Variants in C7orf33 observed in about 807,000 individuals in gnomAD.
C7orf33 encodes the protein uncharacterized protein C7orf33.
Under a neutral mutation model 13.4 loss-of-function variants are expected in C7orf33, and 15 were observed. The ratio of observed to expected loss-of-function variants is 1.12; its 90% CI spans 0.75 to 1.72. C7orf33 has a LOEUF of 1.72. Among genes scored for constraint, C7orf33 ranks in the 40% most tolerant of loss-of-function variants. C7orf33 has a pLI of 0.00. For missense variants in C7orf33, 187 were observed against 220.3 expected (o/e 0.85, Z 0.96); for synonymous variants, 73 against 83.2 (o/e 0.88, Z 0.67).
rs114716446 is a variant in C7orf33, at chr7:148,613,184, C to A, written c.205-858C>A. ...TCCCAGACCCTAAGACTCACTGTTC[C>A]ACTCTCTATTTCCATGGGCTCAAGT... On this transcript the variant is annotated intron_variant, in intron 1 of 2. Coordinates refer to ENST00000307003, the MANE Select transcript of C7orf33 (RefSeq NM_145304.4). Among the ~76,000 whole-genome samples the A allele has an allele frequency of 5.4e-3, 830 of 152,300 alleles. 6 individuals carry two copies. Among genetic ancestry groups the A allele is most frequent in the African/African-American group, 0.019 (790 of 41,558 alleles).
chr7:148,605,671 C>T (rs1481174644), intron 1 of C7orf33, among the ~76,000 whole-genome samples: 6 of 152,182 alleles, frequency 3.9e-5, no homozygotes, highest in African/African-American at 1.4e-4. Flanking sequence ...AGAGCCCCCA[C>T]CTTGAAGGTC....
intron 1 of C7orf33, among the ~76,000 whole-genome samples, chr7:148,595,660 T>C (rs1796329689): frequency 9.4e-6 from 1 of 105,824 alleles, no homozygotes; most frequent in Non-Finnish European, 1.9e-5. Context: ...AATATAGATC[T>C]ATATTATATA....
chr7:148,601,089 A>G (rs1035623411), intron 1 of C7orf33, among the ~76,000 whole-genome samples: 1 of 152,008 alleles, frequency 6.6e-6, no homozygotes, highest in Non-Finnish European at 1.5e-5. Flanking sequence ...GGTGTGAGCC[A>G]CCGCGCCCGG....
chr7:148,595,379 C>A lies in C7orf33; in HGVS notation c.204+4250C>A, dbSNP rs1421586208. Among the ~76,000 whole-genome samples, 10 of 126,694 alleles carry A rather than the reference C, an allele frequency of 7.9e-5. No individual in the cohort carries two copies. The East Asian group carries it at 9.0e-4, about 11-fold the overall frequency. 83.1% of individuals were successfully genotyped at this position (126,694 alleles called of 152,430 possible). ...GATATATCAAATATAATATAGATCTCTATTATATAGATATATCATAGATAA... is the reference window on the plus strand; with the variant it reads ...GATATATCAAATATAATATAGATCTATATTATATAGATATATCATAGATAA... On this transcript the variant is annotated intron_variant, in intron 1 of 2. Coordinates refer to ENST00000307003, the MANE Select transcript of C7orf33 (RefSeq NM_145304.4).
intron 1 of C7orf33, among the ~76,000 whole-genome samples, chr7:148,593,549 G>A (rs1371961666): frequency 6.6e-6 from 1 of 152,148 alleles, no homozygotes; most frequent in Non-Finnish European, 1.5e-5. Context: ...ACAGGTGTGA[G>A]CCACTGCAAC....
chr7:148,610,349 T>G (rs1014570134), intron 1 of C7orf33, among the ~76,000 whole-genome samples: 3 of 152,126 alleles, frequency 2.0e-5, no homozygotes, highest in African/African-American at 7.2e-5. Context: ...CCAGCACAGC[T>G]AGAATATAGA....
intron 1 of C7orf33, among the ~76,000 whole-genome samples, chr7:148,606,931 A>ACACAC (rs1554449216): frequency 6.4e-4 from 13 of 20,198 alleles, no homozygotes; most frequent in Admixed American, 1.1e-3. Context: ...TTAAAAAAAA[A>ACACAC]ATACACACAC....
At chr7:148,608,016 G>A (rs1286230101) in intron 1 of C7orf33, among the ~76,000 whole-genome samples, 1 of 151,710 alleles carries the variant, frequency 6.6e-6, no homozygotes, top group Admixed American at 6.6e-5. Flanking sequence ...CCTCTCAAAC[G>A]CCAATTAAAG....
chr7:148,608,951 G>C (rs568765508), intron 1 of C7orf33, among the ~76,000 whole-genome samples: 1 of 152,198 alleles, frequency 6.6e-6, no homozygotes, highest in Non-Finnish European at 1.5e-5. Context: ...GGGTGGAAAG[G>C]CCTCTTTTGG....
chr7:148,601,287 T>C (rs947117775), intron 1 of C7orf33, among the ~76,000 whole-genome samples: 5 of 152,242 alleles, frequency 3.3e-5, no homozygotes, highest in Non-Finnish European at 7.3e-5. Context: ...TTTAAATCCT[T>C]TTAAAATTTA....
chr7:148,598,916 G>A (rs548983872), intron 1 of C7orf33, among the ~76,000 whole-genome samples: 2 of 151,700 alleles, frequency 1.3e-5, no homozygotes, highest in East Asian at 1.9e-4. Context: ...AAGCTGGAGT[G>A]CAATGGCACG....
In C7orf33 at chr7:148,614,113, T is replaced by C. The variant is rs755693750; in HGVS notation, c.276T>C (p.Ser92=). The C allele has an allele frequency of 8.1e-6, 13 of 1,614,112 alleles. 1 individual carries two copies. In the Middle Eastern group the frequency reaches 4.9e-4, roughly 61 times the overall value. The part of the protein sequence containing the change: ...FIAPVSAPTK[S]GAPWHFLSQG... ...CTCCTGTATCAGCTCCCACCAAATCTGGTGCCCCGTGGCATTTTCTTTCTC... is the reference window on the plus strand; with the variant it reads ...CTCCTGTATCAGCTCCCACCAAATCCGGTGCCCCGTGGCATTTTCTTTCTC... Residue 92 remains serine, a synonymous_variant, in exon 2 of 3, where the codon TCT becomes TCC. Transcript: ENST00000307003.
At chr7:148,592,566 G>A (rs1376530812) in intron 1 of C7orf33, among the ~76,000 whole-genome samples, 1 of 151,028 alleles carries the variant, frequency 6.6e-6, no homozygotes, top group Admixed American at 6.6e-5. Context: ...CCAGGCTGGA[G>A]TACAGTGGCG....
intron 1 of C7orf33, among the ~76,000 whole-genome samples, chr7:148,593,139 C>T (rs533009064): frequency 2.3e-4 from 35 of 152,236 alleles, no homozygotes; most frequent in African/African-American, 8.2e-4. Flanking sequence ...CATGCCTGGC[C>T]GACACGATTT....
At chr7:148,594,288 G>A (rs1256715452) in intron 1 of C7orf33, among the ~76,000 whole-genome samples, 4 of 149,728 alleles carry the variant, frequency 2.7e-5, no homozygotes, top group Admixed American at 6.8e-5. Context: ...CCATTCTCCT[G>A]CCTCAGCCTC....
At position 148,615,398 on chromosome 7, in the gene C7orf33, T is replaced by G. The variant is rs756079234; in HGVS notation, c.531T>G (p.Ser177Arg). The G allele has an allele frequency of 6.2e-7, 1 of 1,608,884 alleles. No homozygotes were observed. The highest frequency in any genetic ancestry group is 1.7e-5 in the Admixed American group (1 of 60,018). Residue 177 changes from serine (S) to arginine (R), a missense_variant, in exon 3 of 3, where the codon AGT becomes AGG. Transcript: ENST00000307003. Reference sequence around the variant, plus strand: ...CAAGGATTTCCAGAACTGACAGCAGTTAAGAATTTTGCAGAATCTAAGAGT... The same window carrying G: ...CAAGGATTTCCAGAACTGACAGCAGGTAAGAATTTTGCAGAATCTAAGAGT... ...EATRISRTDS[S>R]
At chr7:148,603,247 C>A (rs919490529) in intron 1 of C7orf33, among the ~76,000 whole-genome samples, 1 of 152,064 alleles carries the variant, frequency 6.6e-6, no homozygotes, top group Non-Finnish European at 1.5e-5. Flanking sequence ...TGGGGGAAAT[C>A]TCAGAAGAGC....
intron 1 of C7orf33, among the ~76,000 whole-genome samples, chr7:148,598,761 TATAGAGAGAGAGAGAGAG>T (rs1252351365): frequency 1.1e-3 from 31 of 27,504 alleles, no homozygotes; most frequent in African/African-American, 3.0e-3. Flanking sequence ...TATATATATA[TATAGAGAGAGAGAGAGAG>T]AGAGAGAGAG....
At chr7:148,599,247 G>A (rs1179846214) in intron 1 of C7orf33, among the ~76,000 whole-genome samples, 1 of 152,058 alleles carries the variant, frequency 6.6e-6, no homozygotes, top group Non-Finnish European at 1.5e-5. Context: ...ACCTAATATC[G>A]TAGTGTTAAT....
Sources: gnomAD v4.1 joint callset for allele counts (sites outside exome capture counted in the v4.1 genomes callset) on GRCh38, gnomAD v4.1.1 for gene constraint, MANE v1.5 for transcripts, NCBI Gene and HGNC (gene_info 2026-07-23, HGNC 2026-07-21) for gene names.